Variants in CDH18 observed in about 807,000 individuals in gnomAD.
CDH18 encodes the protein cadherin 18.
CDH18 carries 31 observed loss-of-function variants against 67.9 expected under a neutral mutation model. That is an observed-to-expected ratio of 0.46 (90% CI 0.34 to 0.62). The LOEUF (loss-of-function observed/expected upper bound fraction) is 0.62, where lower values mean the gene tolerates loss of function less well. Ranked by LOEUF, CDH18 falls within the 20% of genes least tolerant of loss-of-function variation. CDH18 has a pLI of 0.01. For synonymous variants in CDH18, 362 were observed against 347.2 expected (o/e 1.04, Z -0.48); for missense variants, 890 against 975.5 (o/e 0.91, Z 1.17).
intron 2 of CDH18, among the ~76,000 whole-genome samples, chr5:19,887,116 G>A (rs1282839403): frequency 6.6e-6 from 1 of 151,342 alleles, no homozygotes; most frequent in Non-Finnish European, 1.5e-5. Context: ...CATACACAGA[G>A]CTAAGAGAAG....
chr5:20,411,189 C>A (rs1562043579), intron 1 of CDH18, among the ~76,000 whole-genome samples: 1 of 151,912 alleles, frequency 6.6e-6, no homozygotes, highest in Admixed American at 6.6e-5. Context: ...TATCACACAT[C>A]TTGGGCTCAA....
At chr5:19,865,746 G>A (rs759530755) in intron 2 of CDH18, among the ~76,000 whole-genome samples, 3 of 152,066 alleles carry the variant, frequency 2.0e-5, no homozygotes, top group Non-Finnish European at 2.9e-5. Context: ...GGAAGAGGGC[G>A]GTTCCCTCCA....
At chr5:20,504,221 A>C (rs1754519241) in intron 1 of CDH18, among the ~76,000 whole-genome samples, 1 of 150,216 alleles carries the variant, frequency 6.7e-6, no homozygotes, top group Admixed American at 6.6e-5. Context: ...CCAGCCACCC[A>C]GGTTTCAAGA....
intron 1 of CDH18, among the ~76,000 whole-genome samples, chr5:20,513,115 G>A (rs1488632310): frequency 6.6e-6 from 1 of 152,058 alleles, no homozygotes; most frequent in Non-Finnish European, 1.5e-5. Context: ...CCATAGATAT[G>A]AAAAAATACT....
At position 20,244,766 on chromosome 5, in the gene CDH18, G is replaced by T. The variant is rs185403219; in HGVS notation, c.-518+10678C>A. Among the ~76,000 whole-genome samples, 304 of 152,132 alleles carry T rather than the reference G, an allele frequency of 2.0e-3. 4 individuals are homozygous for T. The highest frequency in any genetic ancestry group is 6.7e-3 in the African/African-American group (280 of 41,544). ...ATTATTTTGTTATCAAATACATGTT[G>T]TTGCTTGTAATGTCTTTTCCTCTGC... On this transcript the variant is annotated intron_variant, in intron 2 of 14. Transcript: ENST00000507958.
At chr5:19,510,507 G>T (rs1484592112) in intron 10 of CDH18, among the ~76,000 whole-genome samples, 1 of 152,044 alleles carries the variant, frequency 6.6e-6, no homozygotes, top group Non-Finnish European at 1.5e-5. Flanking sequence ...CAATGTTAAA[G>T]GCAACAATGG....
intron 5 of CDH18, among the ~76,000 whole-genome samples, chr5:19,638,857 T>C (rs2150213664): frequency 6.6e-6 from 1 of 152,068 alleles, no homozygotes; most frequent in African/African-American, 2.4e-5. Context: ...AGCCCACGAG[T>C]TTCCTTTTCA....
intron 5 of CDH18, among the ~76,000 whole-genome samples, chr5:19,714,404 C>A (rs998205963): frequency 6.6e-6 from 1 of 151,978 alleles, no homozygotes; most frequent in African/African-American, 2.4e-5. Flanking sequence ...CTCTCTATTT[C>A]TTAAATGCTA....
intron 1 of CDH18, among the ~76,000 whole-genome samples, chr5:20,525,513 C>A (rs1012875807): frequency 6.6e-6 from 1 of 152,092 alleles, no homozygotes; most frequent in Non-Finnish European, 1.5e-5. Flanking sequence ...TATGCCTGCC[C>A]TGCCTTCTTC....
At chr5:20,160,150 C>A (rs1199600383) in intron 2 of CDH18, among the ~76,000 whole-genome samples, 1 of 152,132 alleles carries the variant, frequency 6.6e-6, no homozygotes, top group Non-Finnish European at 1.5e-5. Context: ...CTGCATAGTC[C>A]TAACACAGAA....
chr5:19,520,573 G>T, intron 10 of CDH18, 84 bp downstream of exon 10: 1 of 1,168,478 alleles, frequency 8.6e-7, no homozygotes, highest in Non-Finnish European at 1.2e-6. Context: ...TGTGGGCTTT[G>T]GGGGATTATA....
At chr5:20,513,478 C>T (rs1755170800) in intron 1 of CDH18, among the ~76,000 whole-genome samples, 2 of 152,116 alleles carry the variant, frequency 1.3e-5, no homozygotes, top group African/African-American at 4.8e-5. Flanking sequence ...GGTCCAATGA[C>T]CAAAGTTTTA....
chr5:20,490,100 A>G (rs1490931013), intron 1 of CDH18, among the ~76,000 whole-genome samples: 1 of 150,856 alleles, frequency 6.6e-6, no homozygotes, highest in Non-Finnish European at 1.5e-5. Context: ...TATTAATAAT[A>G]CTAATTAATA....
chr5:20,241,193 T>G (rs1742866778), intron 2 of CDH18, among the ~76,000 whole-genome samples: 1 of 152,188 alleles, frequency 6.6e-6, no homozygotes, highest in Non-Finnish European at 1.5e-5. Flanking sequence ...TATTAACTTC[T>G]TGTAAAAGTG....
chr5:19,635,105 T>C (rs950852787), intron 5 of CDH18, among the ~76,000 whole-genome samples: 1 of 152,176 alleles, frequency 6.6e-6, no homozygotes, highest in African/African-American at 2.4e-5. Flanking sequence ...AATTTACTCA[T>C]GAGAACAAAG....
At chr5:20,557,081 A>G (rs1451610303) in intron 1 of CDH18, among the ~76,000 whole-genome samples, 1 of 152,190 alleles carries the variant, frequency 6.6e-6, no homozygotes, top group Non-Finnish European at 1.5e-5. Flanking sequence ...AGACTATTTC[A>G]GGAACTTACT....
intron 2 of CDH18, among the ~76,000 whole-genome samples, chr5:20,107,225 C>T (rs1256830438): frequency 2.6e-5 from 4 of 152,148 alleles, no homozygotes; most frequent in South Asian, 2.1e-4. Context: ...GGACTACAGG[C>T]GCCCTCCATC....
intron 1 of CDH18, among the ~76,000 whole-genome samples, chr5:20,390,876 C>T (rs1744789387): frequency 1.3e-5 from 2 of 152,032 alleles, no homozygotes; most frequent in Non-Finnish European, 2.9e-5. Flanking sequence ...TCTCAGCAAA[C>T]TATCACAAGG....
intron 1 of CDH18, among the ~76,000 whole-genome samples, chr5:20,495,735 A>G (rs945047706): frequency 6.6e-6 from 1 of 152,180 alleles, no homozygotes; most frequent in South Asian, 2.1e-4. Flanking sequence ...AGATCTCAAA[A>G]AAAGACAAAA....
Sources: gnomAD v4.1 joint callset for allele counts (sites outside exome capture counted in the v4.1 genomes callset) on GRCh38, gnomAD v4.1.1 for gene constraint, MANE v1.5 for transcripts, NCBI Gene and HGNC (gene_info 2026-07-23, HGNC 2026-07-21) for gene names.